The following ZCCHC14 variants were observed in gnomAD, a reference collection of about 807,000 sequenced individuals.
ZCCHC14 encodes the protein zinc finger CCHC-type containing 14.
ZCCHC14 carries 16 observed loss-of-function variants against 85.0 expected under a neutral mutation model. The ratio of observed to expected loss-of-function variants is 0.19; its 90% confidence interval spans 0.13 to 0.29. The LOEUF (loss-of-function observed/expected upper bound fraction) is 0.29, where lower values mean the gene tolerates loss of function less well. ZCCHC14 is among the 10% of genes least tolerant of loss of function. The probability of loss-of-function intolerance (pLI) is 1.00; values close to 1 mark genes in which losing one functional copy is unlikely to be tolerated. For missense variants in ZCCHC14, 1,303 were observed against 1,443.5 expected (o/e 0.90, Z 1.58); for synonymous variants, 775 against 630.7 (o/e 1.23, Z -3.43).
chr16:87,456,357 C>A (rs1431698952), intron 2 of ZCCHC14, among the ~76,000 whole-genome samples: 2 of 151,884 alleles, frequency 1.3e-5, no homozygotes, highest in South Asian at 2.1e-4. Flanking sequence ...GGTGAAACCA[C>A]GTCTCTACTA....
intron 2 of ZCCHC14, among the ~76,000 whole-genome samples, chr16:87,447,534 G>A (rs1226327508): frequency 6.6e-6 from 1 of 152,150 alleles, no homozygotes; most frequent in Non-Finnish European, 1.5e-5. Flanking sequence ...GTGGTTACAT[G>A]TATTAGCTTT....
chr16:87,418,696 A>T, intron 7 of ZCCHC14, 151 bp downstream of exon 7: 1 of 849,948 alleles, frequency 1.2e-6, no homozygotes, highest in Non-Finnish European at 1.9e-6. Context: ...TGGAAATCGT[A>T]AATTCAATCA....
In ZCCHC14 at chr16:87,411,779, C is replaced by T. The variant is rs769640816; in HGVS notation, c.2942G>A (p.Gly981Asp). Residue 981 changes from glycine to aspartate, a missense_variant, in exon 12 of 13, where the codon GGC becomes GAC. This residue lies in a region of ZCCHC14 where 797 missense variants were observed against 730.8 expected (regional missense o/e 1.09). Transcript: ENST00000671377. ...GYVSAQQYGGGSTFPVVHAPY... is the reference protein window; with the variant it reads ...GYVSAQQYGGDSTFPVVHAPY... ...GGCGTGCACGACGGGGAAGGTGGAG[C>T]CGCCGCCGTACTGCTGGGCGCTGAC... The T allele has an allele frequency of 1.9e-6, 3 of 1,610,870 alleles. No homozygotes were observed. The highest frequency in any genetic ancestry group is 1.1e-5 in the South Asian group (1 of 90,970).
intron 2 of ZCCHC14, among the ~76,000 whole-genome samples, chr16:87,437,193 G>A (rs772280050): frequency 1.1e-4 from 17 of 151,978 alleles, no homozygotes; most frequent in South Asian, 4.2e-4. Context: ...AAAATTAGCC[G>A]GGCGTGGTGG....
intron 4 of ZCCHC14, among the ~76,000 whole-genome samples, chr16:87,421,401 C>G (rs1017222838): frequency 6.6e-6 from 1 of 152,162 alleles, no homozygotes; most frequent in African/African-American, 2.4e-5. Context: ...CAAGAAGACC[C>G]GCTGCTCCTG....
chr16:87,480,037 A>T (rs568053067), intron 1 of ZCCHC14, among the ~76,000 whole-genome samples: 2 of 151,968 alleles, frequency 1.3e-5, no homozygotes, highest in African/African-American at 4.8e-5. Flanking sequence ...GGTCTCCCAA[A>T]GTGCTGGGGT....
rs1909746090 is a variant in ZCCHC14 at position 87,433,152 on chromosome 16, G to C, written c.744C>G (p.Asp248Glu). ...DLKGLSHTKN[D>E]RNVECSFEVL... ...CCTCAAAGGAACATTCAACATTTCT[G>C]TCATTTTTTGTGTGTGATAATCCCT... Residue 248 changes from aspartate (D) to glutamate (E), a missense_variant, in exon 3 of 13, where the codon GAC becomes GAG. By Grantham distance (45) the Asp-to-Glu change is conservative. Transcript: ENST00000671377. 3.1e-6 allele frequency: 5 copies of C among 1,614,162 alleles called. No homozygotes were observed. The highest frequency in any genetic ancestry group is 4.2e-6 in the Non-Finnish European group (5 of 1,180,034).
chr16:87,447,185 G>A (rs775307486), intron 2 of ZCCHC14, among the ~76,000 whole-genome samples: 6 of 152,054 alleles, frequency 3.9e-5, no homozygotes, highest in Admixed American at 1.3e-4. Context: ...TAAAGATGGC[G>A]GAAGAAACAG....
At chr16:87,489,052 G>C (rs914865328) in intron 1 of ZCCHC14, among the ~76,000 whole-genome samples, 3 of 152,354 alleles carry the variant, frequency 2.0e-5, no homozygotes, top group East Asian at 3.8e-4. Flanking sequence ...CCAAACGTTA[G>C]ATTTAGAAAC....
intron 12 of ZCCHC14, among the ~76,000 whole-genome samples, chr16:87,411,051 G>C (rs769920985): frequency 1.7e-4 from 26 of 152,236 alleles, no homozygotes; most frequent in Non-Finnish European, 2.8e-4. Flanking sequence ...TAAAACAGGA[G>C]GGAACGGAAG....
chr16:87,453,742 T>C (rs963337144), intron 2 of ZCCHC14, among the ~76,000 whole-genome samples: 1 of 152,140 alleles, frequency 6.6e-6, no homozygotes, highest in African/African-American at 2.4e-5. Flanking sequence ...AACTCTATAA[T>C]CACACACAAT....
At chr16:87,468,275 TC>T (rs1307521035) in intron 1 of ZCCHC14, among the ~76,000 whole-genome samples, 14 of 152,164 alleles carry the variant, frequency 9.2e-5, no homozygotes, top group Non-Finnish European at 1.6e-4. Flanking sequence ...GTATTCAGTA[TC>T]CCACTGGCCA....
chr16:87,428,343 T>C (rs182459523), intron 3 of ZCCHC14, among the ~76,000 whole-genome samples: 70 of 152,360 alleles, frequency 4.6e-4, no homozygotes, highest in African/African-American at 1.6e-3. Flanking sequence ...AAACGTTTCT[T>C]TGAATCTTGC....
Position 87,413,199 on chromosome 16 carries a change from CAGA to C in ZCCHC14, c.1604-7_1604-5del. 1 of 1,550,792 alleles carries C rather than the reference CAGA, an allele frequency of 6.4e-7. No homozygotes were observed. The highest frequency in any genetic ancestry group is 8.7e-7 in the Non-Finnish European group (1 of 1,149,752). On this transcript the variant is annotated splice_region_variant and splice_polypyrimidine_tract_variant and intron_variant, in intron 10 of 12. Coordinates refer to ENST00000671377, the MANE Select transcript of ZCCHC14 (RefSeq NM_015144.3). Reference sequence around the variant, plus strand: ...TGCTCCACTTCCACCCGCAGCTCTGCAGAAAAGGGACAGAGGAGCAGCCATCAA... The same window carrying C: ...TGCTCCACTTCCACCCGCAGCTCTGCAAAGGGACAGAGGAGCAGCCATCAA...
At chr16:87,484,633 G>T (rs1350836493) in intron 1 of ZCCHC14, among the ~76,000 whole-genome samples, 1 of 152,194 alleles carries the variant, frequency 6.6e-6, no homozygotes, top group Non-Finnish European at 1.5e-5. Flanking sequence ...ACCTATTCGC[G>T]GGTACCAGCG....
In ZCCHC14 at chr16:87,446,862, T is replaced by C. The variant is rs578210334; in HGVS notation, c.694+13146A>G. Among the ~76,000 whole-genome samples the C allele has an allele frequency of 2.6e-5, 4 of 152,162 alleles. No individual in the cohort carries two copies. The East Asian group carries it at 5.8e-4, about 22-fold the overall frequency. On this transcript the variant is annotated intron_variant, in intron 2 of 12. Coordinates refer to ENST00000671377, the MANE Select transcript of ZCCHC14 (RefSeq NM_015144.3). Reference sequence around the variant, plus strand: ...CCATGCCTGGCTAGTTTTTTTGTATTTTTAGTAGAGACGGGGGTTTCACCA... The same window carrying C: ...CCATGCCTGGCTAGTTTTTTTGTATCTTTAGTAGAGACGGGGGTTTCACCA...
chr16:87,423,973 G>C (rs1909238406), intron 3 of ZCCHC14, 92 bp from the exon 4 acceptor site: 1 of 1,390,070 alleles, frequency 7.2e-7, no homozygotes, highest in Non-Finnish European at 9.9e-7. Context: ...CACACGTTCA[G>C]TCGGCAGCTG....
At position 87,412,298 on chromosome 16, in the gene ZCCHC14, T is replaced by G. The variant is rs1597396800; in HGVS notation, c.2423A>C (p.Asn808Thr). The G allele has an allele frequency of 6.2e-7, 1 of 1,613,300 alleles. No homozygotes were observed. ...VQISVPPAIINPRTALYTANT... is the reference protein window; with the variant it reads ...VQISVPPAIITPRTALYTANT... ...GGCTGTGTACAGAGCAGTCCGGGGG[T>G]TTATTATTGCAGGGGGCACACTTAT... is the stretch of plus-strand genomic sequence containing the variant. Residue 808 changes from asparagine (N) to threonine (T), a missense_variant, in exon 12 of 13, where the codon AAC (asparagine) becomes ACC (threonine). By Grantham distance (65) the Asn-to-Thr change is moderately conservative (BLOSUM62 0). This residue lies in a region of ZCCHC14 where 797 missense variants were observed against 730.8 expected (regional missense o/e 1.09). Coordinates refer to ENST00000671377, the MANE Select transcript of ZCCHC14 (RefSeq NM_015144.3).
intron 1 of ZCCHC14, among the ~76,000 whole-genome samples, chr16:87,465,355 G>A (rs1911469865): frequency 6.6e-6 from 1 of 152,248 alleles, no homozygotes; most frequent in Non-Finnish European, 1.5e-5. Flanking sequence ...CAAACGGAAA[G>A]CACTTCTATT....
Sources: allele counts gnomAD v4.1 joint callset (sites outside exome capture counted in the v4.1 genomes callset), GRCh38; gene constraint gnomAD v4.1.1; regional missense constraint gnomAD v4.1.1; transcripts MANE v1.5; gene names NCBI Gene and HGNC (gene_info 2026-07-23, HGNC 2026-07-21).